The following ERC1 variants were observed in gnomAD, a reference collection of about 807,000 sequenced individuals.
ERC1 encodes the protein RAB6 interacting protein 2.
ERC1 carries 56 observed loss-of-function variants against 132.0 expected under a neutral mutation model. That is an observed-to-expected ratio of 0.42 (90% CI 0.34 to 0.53). The LOEUF is 0.53. ERC1 is among the 20% of genes least tolerant of loss of function. The pLI is 0.03. For synonymous variants in ERC1, 478 were observed against 476.1 expected (o/e 1.00, Z -0.05); for missense variants, 1,202 against 1,349.9 (o/e 0.89, Z 1.72).
At chr12:1,363,270 C>T (rs1476097517) in intron 15 of ERC1, among the ~76,000 whole-genome samples, 1 of 152,142 alleles carries the variant, frequency 6.6e-6, no homozygotes, top group Non-Finnish European at 1.5e-5. Flanking sequence ...GGCTTTATAG[C>T]AGAGGTCTCA....
intron 8 of ERC1, among the ~76,000 whole-genome samples, chr12:1,142,983 C>G (rs1388558189): frequency 1.3e-5 from 2 of 152,210 alleles, no homozygotes; most frequent in Non-Finnish European, 2.9e-5. Flanking sequence ...AGTGCAACCT[C>G]TGCCTCCTGG....
intron 15 of ERC1, among the ~76,000 whole-genome samples, chr12:1,356,158 C>A (rs537850153): frequency 2.3e-4 from 34 of 149,332 alleles, no homozygotes; most frequent in Non-Finnish European, 4.7e-4. Context: ...GAGCTGAGAT[C>A]ACACCACTGC....
At chr12:1,214,649 T>C (rs1293008289) in intron 12 of ERC1, among the ~76,000 whole-genome samples, 1 of 138,100 alleles carries the variant, frequency 7.2e-6, no homozygotes, top group Non-Finnish European at 1.5e-5. Flanking sequence ...AACATAAATA[T>C]GCGTGTGTGT....
intron 18 of ERC1, among the ~76,000 whole-genome samples, chr12:1,466,100 C>T (rs184505978): frequency 5.3e-4 from 81 of 152,240 alleles, no homozygotes; most frequent in Non-Finnish European, 9.8e-4. Flanking sequence ...CTCGGGACAC[C>T]GTAACAAAAT....
At chr12:1,222,149 A>G (rs773729609) in intron 12 of ERC1, among the ~76,000 whole-genome samples, 7 of 152,158 alleles carry the variant, frequency 4.6e-5, no homozygotes, top group Non-Finnish European at 1.0e-4. Context: ...ATGCATCTGC[A>G]TACAAGATGC....
At chr12:1,043,048 C>CTTTTTTTTTTTTTTTTTTT (rs397940397) in intron 2 of ERC1, among the ~76,000 whole-genome samples, 1 of 119,026 alleles carries the variant, frequency 8.4e-6, no homozygotes, top group African/African-American at 3.1e-5. Flanking sequence ...CTTTTCTTTT[C>CTTTTTTTTTTTTTTTTTTT]TTTTTTTTTT....
intron 15 of ERC1, among the ~76,000 whole-genome samples, chr12:1,314,177 G>T (rs977113067): frequency 1.3e-5 from 2 of 151,940 alleles, no homozygotes; most frequent in African/African-American, 2.4e-5. Context: ...TTACTATAAA[G>T]CCTTAAGAAA....
chr12:1,420,479 G>A lies in ERC1; in HGVS notation c.3024+12232G>A, dbSNP rs185580561. On this transcript the variant is annotated intron_variant, in intron 17 of 18. Transcript: ENST00000360905. ...TTTATTTGTTTATTTATTTTGAGAC[G>A]GAGTCTCGCTCTGTCACCCAGGCTG... 4.8e-3 allele frequency among the ~76,000 whole-genome samples: 717 copies of A among 150,714 alleles called. 3 individuals carry two copies. Among genetic ancestry groups the A allele is most frequent in the African/African-American group, 8.5e-3 (349 of 40,942 alleles).
At chr12:1,173,458 G>A (rs1029358177) in intron 8 of ERC1, among the ~76,000 whole-genome samples, 1 of 152,082 alleles carries the variant, frequency 6.6e-6, no homozygotes, top group African/African-American at 2.4e-5. Context: ...TGGATATTCC[G>A]AGCATATTTA....
chr12:1,403,797 A>G (rs1566782998), intron 16 of ERC1, among the ~76,000 whole-genome samples: 1 of 152,236 alleles, frequency 6.6e-6, no homozygotes, highest in Non-Finnish European at 1.5e-5. Flanking sequence ...GCTAGATATC[A>G]GATATTAAAG....
intron 12 of ERC1, among the ~76,000 whole-genome samples, chr12:1,196,857 TCA>T (rs1272670671): frequency 2.2e-3 from 292 of 131,644 alleles, no homozygotes; most frequent in Non-Finnish European, 3.0e-3. Flanking sequence ...TGTCTCTCTC[TCA>T]CTCTCTCTCT....
At chr12:1,147,399 T>C (rs1950479481) in intron 8 of ERC1, among the ~76,000 whole-genome samples, 1 of 152,208 alleles carries the variant, frequency 6.6e-6, no homozygotes, top group South Asian at 2.1e-4. Context: ...ATTTTATTGG[T>C]ATTAGTTTTG....
intron 8 of ERC1, among the ~76,000 whole-genome samples, chr12:1,170,809 T>C (rs1952978804): frequency 6.6e-6 from 1 of 152,182 alleles, no homozygotes; most frequent in Non-Finnish European, 1.5e-5. Flanking sequence ...TACCAGCAAT[T>C]AATAAAATCT....
chr12:1,304,838 G>A (rs906315044), intron 15 of ERC1, among the ~76,000 whole-genome samples: 1 of 132,314 alleles, frequency 7.6e-6, no homozygotes, highest in African/African-American at 2.9e-5. Flanking sequence ...TGCCCGGGCT[G>A]GAGTACAGTG....
intron 2 of ERC1, among the ~76,000 whole-genome samples, chr12:1,029,706 A>G (rs1382704574): frequency 6.6e-6 from 1 of 151,150 alleles, no homozygotes; most frequent in Non-Finnish European, 1.5e-5. Flanking sequence ...ATGTGAACAA[A>G]TCATATTCAG....
At chr12:1,336,329 A>C (rs1266907555) in intron 15 of ERC1, among the ~76,000 whole-genome samples, 1 of 151,508 alleles carries the variant, frequency 6.6e-6, no homozygotes, top group East Asian at 1.9e-4. Context: ...TAGTTCTTTT[A>C]GTTGTGATGT....
intron 2 of ERC1, among the ~76,000 whole-genome samples, chr12:1,052,389 G>A (rs1259425132): frequency 6.6e-6 from 1 of 152,162 alleles, no homozygotes. Flanking sequence ...ATGTTAATGG[G>A]TGTGTGGATA....
chr12:1,076,996 C>T (rs1487618018), intron 2 of ERC1, among the ~76,000 whole-genome samples: 1 of 152,120 alleles, frequency 6.6e-6, no homozygotes, highest in African/African-American at 2.4e-5. Context: ...AAACCGGAAG[C>T]TTGACTTGGT....
intron 18 of ERC1, among the ~76,000 whole-genome samples, chr12:1,447,252 T>C (rs1046734377): frequency 6.6e-6 from 1 of 152,052 alleles, no homozygotes; most frequent in Non-Finnish European, 1.5e-5. Context: ...GCACAGTGGC[T>C]CCCACCTGTA....
Sources: gnomAD v4.1 joint callset for allele counts (sites outside exome capture counted in the v4.1 genomes callset) on GRCh38, gnomAD v4.1.1 for gene constraint, MANE v1.5 for transcripts, NCBI Gene and HGNC (gene_info 2026-07-23, HGNC 2026-07-21) for gene names.